The following JMY variants were observed in gnomAD, a reference collection of about 807,000 sequenced individuals.
The protein encoded by JMY is junction mediating and regulatory protein, p53 cofactor.
A neutral mutation model predicts 103.3 loss-of-function variants in JMY; 46 were observed. That is an observed-to-expected ratio of 0.45 (90% CI 0.35 to 0.57). The LOEUF (loss-of-function observed/expected upper bound fraction) is 0.57, where lower values mean the gene tolerates loss of function less well. JMY is among the 20% of genes least tolerant of loss of function. JMY has a pLI of 0.00. For missense variants in JMY, 1,238 were observed against 1,255.2 expected, an observed-to-expected ratio of 0.99 and a Z score of 0.21; for synonymous variants, 526 against 489.3, an observed-to-expected ratio of 1.07 and a Z score of -0.99.
intron 2 of JMY, among the ~76,000 whole-genome samples, chr5:79,285,608 A>G (rs1384287674): frequency 1.3e-5 from 2 of 151,006 alleles, no homozygotes; most frequent in African/African-American, 4.9e-5. Flanking sequence ...TGGCTTAGCT[A>G]TAAGAATCTC....
At chr5:79,238,871 G>A (rs926804344) in intron 1 of JMY, among the ~76,000 whole-genome samples, 7 of 152,016 alleles carry the variant, frequency 4.6e-5, no homozygotes, top group African/African-American at 1.7e-4. Context: ...CACCATCTTG[G>A]CCAGTATGGT....
chr5:79,321,248 T>C (rs955465832), intron 10 of JMY, among the ~76,000 whole-genome samples: 2 of 152,246 alleles, frequency 1.3e-5, no homozygotes, highest in African/African-American at 2.4e-5. Flanking sequence ...GTATTAATCC[T>C]GTCCTCTAAA....
chr5:79,266,710 A>AC (rs1467648344), intron 1 of JMY, among the ~76,000 whole-genome samples: 1 of 152,158 alleles, frequency 6.6e-6, no homozygotes, highest in South Asian at 2.1e-4. Context: ...GTATCCATTA[A>AC]CCAACTTCTC....
At chr5:79,263,251 T>TTA (rs1745478784) in intron 1 of JMY, among the ~76,000 whole-genome samples, 1 of 152,198 alleles carries the variant, frequency 6.6e-6, no homozygotes. Context: ...AAGAAGGGAA[T>TTA]TATTGCCTTT....
chr5:79,258,396 C>T (rs189555205), intron 1 of JMY, among the ~76,000 whole-genome samples: 2 of 149,298 alleles, frequency 1.3e-5, no homozygotes, highest in Admixed American at 6.8e-5. Flanking sequence ...GCCTCACCAG[C>T]CAGAAACTTG....
chr5:79,237,231 A>C lies in JMY; in HGVS notation c.581A>C (p.Glu194Ala), dbSNP rs1005959365. The C allele has an allele frequency of 1.9e-6, 3 of 1,550,550 alleles. No homozygotes were observed. Among genetic ancestry groups the C allele is most frequent in the Non-Finnish European group, 2.6e-6 (3 of 1,146,904 alleles). Residue 194 changes from glutamate to alanine, a missense_variant, in exon 1 of 11, where the codon GAG (glutamate) becomes GCG (alanine). Coordinates refer to ENST00000396137, the MANE Select transcript of JMY (RefSeq NM_152405.5). Reference protein sequence around the residue: ...SASGTVSEEIEVLEMVKEDEA... With the variant: ...SASGTVSEEIAVLEMVKEDEA... Reference sequence around the variant, plus strand: ...TCTGGGACGGTCTCCGAGGAGATAGAGGTGCTGGAAATGGTGAAGGAGGAC... The same window carrying C: ...TCTGGGACGGTCTCCGAGGAGATAGCGGTGCTGGAAATGGTGAAGGAGGAC...
At chr5:79,294,521 A>C (rs1746513291) in intron 4 of JMY, among the ~76,000 whole-genome samples, 1 of 152,262 alleles carries the variant, frequency 6.6e-6, no homozygotes, top group Admixed American at 6.5e-5. Flanking sequence ...GATTAACCAG[A>C]AAACCCTTTA....
chr5:79,313,352 A>G (rs1034074837), intron 8 of JMY, among the ~76,000 whole-genome samples: 5 of 152,132 alleles, frequency 3.3e-5, no homozygotes, highest in Non-Finnish European at 5.9e-5. Flanking sequence ...CAGGGAGGTC[A>G]TGGCTGCAGT....
Position 79,291,312 on chromosome 5 carries a change from A to T in JMY, c.1527+13A>T, listed in dbSNP as rs17234734. ...ACTAAAGGAAGAGGTAACAAAAATC[A>T]TCAGAAATATAAAATCAGAAAAAGT... On this transcript the variant is annotated intron_variant, in intron 4 of 10. Transcript: ENST00000396137. 347,667 of 1,522,456 alleles carry T rather than the reference A, an allele frequency of 0.23. 43,929 individuals carry two copies. Among genetic ancestry groups the T allele is most frequent in the Middle Eastern group, 0.26 (1,474 of 5,720 alleles). 94.3% of individuals were successfully genotyped at this position (1,522,456 alleles called of 1,614,324 possible).
At chr5:79,278,829 A>G (rs1746025041) in intron 2 of JMY, among the ~76,000 whole-genome samples, 1 of 139,436 alleles carries the variant, frequency 7.2e-6, no homozygotes, top group African/African-American at 2.7e-5. Flanking sequence ...GGATCTCGCC[A>G]TGTTGCCCAG....
chr5:79,282,999 A>AATT (rs1163304737), intron 2 of JMY, among the ~76,000 whole-genome samples: 2 of 148,990 alleles, frequency 1.3e-5, no homozygotes, highest in East Asian at 2.0e-4. Context: ...TAATAATAAT[A>AATT]ATTATTATTA....
Position 79,236,748 on chromosome 5 carries a change from T to C in JMY, c.98T>C (p.Val33Ala). ...GAGAAACACAAATTCGTCTTTATTGTGGCCTGGAACGAGATTGAGGGCAAG... is the reference window on the plus strand; with the variant it reads ...GAGAAACACAAATTCGTCTTTATTGCGGCCTGGAACGAGATTGAGGGCAAG... ...EREKHKFVFI[V>A]AWNEIEGKFA... The change falls in exon 1 of 11, where the codon GTG (valine) becomes GCG (alanine). Residue 33 changes from valine (V) to alanine (A), a missense_variant. Coordinates refer to ENST00000396137, the MANE Select transcript of JMY (RefSeq NM_152405.5). 6.6e-7 allele frequency: 1 copy of C among 1,507,852 alleles called. No homozygotes were observed. The highest frequency in any genetic ancestry group is 1.4e-5 in the African/African-American group (1 of 69,086). 93.4% of individuals were successfully genotyped at this position (1,507,852 alleles called of 1,614,324 possible).
intron 4 of JMY, among the ~76,000 whole-genome samples, chr5:79,299,145 C>T (rs1338157576): frequency 1.8e-4 from 28 of 152,202 alleles, no homozygotes; most frequent in Non-Finnish European, 7.3e-5. Flanking sequence ...TCCAGGGCTC[C>T]TCACTATTGC....
chr5:79,265,734 G>A (rs73116180), intron 1 of JMY, among the ~76,000 whole-genome samples: 4,724 of 151,282 alleles, frequency 0.031, 226 homozygotes, highest in African/African-American at 0.11. Flanking sequence ...ATGATGACAC[G>A]GCCTCACCCA....
At chr5:79,256,015 C>A (rs1307173907) in intron 1 of JMY, among the ~76,000 whole-genome samples, 1 of 152,260 alleles carries the variant, frequency 6.6e-6, no homozygotes, top group Non-Finnish European at 1.5e-5. Context: ...TGTGCCCTTC[C>A]CTTCAGAGGG....
intron 1 of JMY, among the ~76,000 whole-genome samples, chr5:79,250,128 T>A (rs369867092): frequency 6.6e-6 from 1 of 152,204 alleles, no homozygotes; most frequent in Non-Finnish European, 1.5e-5. Context: ...TGATGCTGGG[T>A]TCCTCCTAAA....
intron 1 of JMY, among the ~76,000 whole-genome samples, chr5:79,265,290 CATAATTTATATAACTTCAGA>C (rs1468574636): frequency 2.6e-5 from 4 of 152,188 alleles, no homozygotes; most frequent in African/African-American, 9.7e-5. Flanking sequence ...AAATTGACTA[CATAATTTATATAACTTCAGA>C]GATACTTGCC....
rs781244992 is a variant in JMY, at chr5:79,270,485, A to G, written c.1033-7425A>G. ...ATTTAAAATGTATATTTACATAAAT[A>G]TTTACATAAAATATATATTTACATA... On this transcript the variant is annotated intron_variant, in intron 1 of 10. Transcript: ENST00000396137. 3.0e-5 allele frequency among the ~76,000 whole-genome samples: 3 copies of G among 101,228 alleles called. 1 individual carries two copies. Among genetic ancestry groups the G allele is most frequent in the African/African-American group, 1.2e-4 (3 of 24,954 alleles). 66.4% of individuals were successfully genotyped at this position (101,228 alleles called of 152,430 possible).
Position 79,236,423 on chromosome 5 carries a change from A to T in JMY, c.-228A>T, listed in dbSNP as rs1744494151. 1 of 374,258 alleles carries T rather than the reference A, an allele frequency of 2.7e-6. No individual in the cohort carries two copies. The allele number at this position is 374,258 out of a possible 1,614,324, so 23.2% of individuals were successfully genotyped here. The stretch of plus-strand genomic sequence containing the variant: ...GATCCGGCCGCAGGTGACCATGTGA[A>T]CTACCTGCTCCCGGGACGCTTATTG... On this transcript the variant is annotated 5_prime_UTR_variant, in exon 1 of 11. Coordinates refer to ENST00000396137, the MANE Select transcript of JMY (RefSeq NM_152405.5).
Sources: gnomAD v4.1 joint callset for allele counts (sites outside exome capture counted in the v4.1 genomes callset) on GRCh38, gnomAD v4.1.1 for gene constraint, MANE v1.5 for transcripts, NCBI Gene and HGNC (gene_info 2026-07-23, HGNC 2026-07-21) for gene names.